Variants in MED13L observed in about 807,000 individuals in gnomAD.
MED13L encodes the protein mediator complex subunit 13L.
A neutral mutation model predicts 220.9 loss-of-function variants in MED13L; 7 were observed. That is an observed-to-expected ratio of 0.03 (90% CI 0.02 to 0.06). The LOEUF (loss-of-function observed/expected upper bound fraction) is 0.06, where lower values mean the gene tolerates loss of function less well. Ranked by LOEUF, MED13L falls within the 10% of genes least tolerant of loss-of-function variation. MED13L has a pLI of 1.00. For missense variants in MED13L, 1,965 were observed against 2,760.5 expected, an observed-to-expected ratio of 0.71 and a Z score of 6.46; for synonymous variants, 1,011 against 1,015.2, an observed-to-expected ratio of 1.00 and a Z score of 0.08.
At chr12:116,175,307 T>G (rs1239039755) in intron 2 of MED13L, among the ~76,000 whole-genome samples, 1 of 152,114 alleles carries the variant, frequency 6.6e-6, no homozygotes, top group African/African-American at 2.4e-5. Flanking sequence ...CTGAGTCCCC[T>G]ATTATGTGAG....
At chr12:116,069,052 G>A (rs1033552045) in intron 4 of MED13L, among the ~76,000 whole-genome samples, 5 of 152,258 alleles carry the variant, frequency 3.3e-5, no homozygotes, top group Middle Eastern at 3.4e-3. Context: ...CCCAAGGAAC[G>A]CAGAGCCTCT....
chr12:116,073,184 A>T (rs780200705), intron 4 of MED13L, among the ~76,000 whole-genome samples: 2 of 151,478 alleles, frequency 1.3e-5, no homozygotes, highest in African/African-American at 2.4e-5. Flanking sequence ...ATGGGTATGT[A>T]TTTTTTTTTA....
intron 1 of MED13L, among the ~76,000 whole-genome samples, chr12:116,272,456 G>C (rs1314185093): frequency 6.6e-6 from 1 of 152,104 alleles, no homozygotes; most frequent in East Asian, 1.9e-4. Context: ...CCAGCTCCTG[G>C]GAGGCTGAGG....
chr12:116,146,691 C>A (rs1288115742), intron 2 of MED13L, among the ~76,000 whole-genome samples: 2 of 151,666 alleles, frequency 1.3e-5, no homozygotes, highest in South Asian at 4.2e-4. Context: ...CGTGAGGAAA[C>A]CCCCATCTCT....
intron 2 of MED13L, among the ~76,000 whole-genome samples, chr12:116,212,848 A>G (rs969213687): frequency 2.0e-5 from 3 of 152,200 alleles, no homozygotes; most frequent in Non-Finnish European, 4.4e-5. Flanking sequence ...ACACAGAGAG[A>G]ATTACAACAT....
At chr12:116,162,338 G>C (rs905345839) in intron 2 of MED13L, among the ~76,000 whole-genome samples, 1 of 152,152 alleles carries the variant, frequency 6.6e-6, no homozygotes, top group Non-Finnish European at 1.5e-5. Flanking sequence ...TATTAGAATG[G>C]AGGCTGCACC....
chr12:116,084,202 A>G (rs1871441805), intron 4 of MED13L, among the ~76,000 whole-genome samples: 1 of 152,184 alleles, frequency 6.6e-6, no homozygotes, highest in Admixed American at 6.5e-5. Flanking sequence ...TTTCTAAGGG[A>G]TGGGGAAAAG....
intron 2 of MED13L, among the ~76,000 whole-genome samples, chr12:116,176,267 A>G (rs905568752): frequency 2.0e-5 from 3 of 152,186 alleles, no homozygotes; most frequent in Non-Finnish European, 2.9e-5. Flanking sequence ...CATCCTTTAT[A>G]CTGTTGTTGA....
At chr12:116,117,065 C>A (rs549009031) in intron 2 of MED13L, among the ~76,000 whole-genome samples, 3 of 151,822 alleles carry the variant, frequency 2.0e-5, no homozygotes, top group African/African-American at 7.2e-5. Context: ...AAATGTCTCT[C>A]AACAGTGGGA....
At chr12:116,146,881 A>T (rs971596964) in intron 2 of MED13L, among the ~76,000 whole-genome samples, 29 of 148,874 alleles carry the variant, frequency 1.9e-4, no homozygotes, top group African/African-American at 5.2e-4. Flanking sequence ...AATAATAATT[A>T]AAAAAAAAAG....
chr12:115,983,754 G>C (rs995216167), intron 20 of MED13L, among the ~76,000 whole-genome samples: 1 of 152,148 alleles, frequency 6.6e-6, no homozygotes, highest in African/African-American at 2.4e-5. Flanking sequence ...GTAGAGGCTT[G>C]TTTGAAAAGA....
intron 1 of MED13L, among the ~76,000 whole-genome samples, chr12:116,273,487 G>A (rs1383796053): frequency 1.3e-5 from 2 of 148,920 alleles, no homozygotes; most frequent in Admixed American, 1.3e-4. Context: ...TTTTGTTCTA[G>A]CGCAAAAAAA....
At chr12:116,154,175 T>C (rs1478116611) in intron 2 of MED13L, among the ~76,000 whole-genome samples, 2 of 152,174 alleles carry the variant, frequency 1.3e-5, no homozygotes, top group African/African-American at 2.4e-5. Context: ...TTCCCCACTT[T>C]GCAAATGAAG....
chr12:116,243,510 T>G (rs1870832299), intron 1 of MED13L, among the ~76,000 whole-genome samples: 1 of 152,142 alleles, frequency 6.6e-6, no homozygotes, highest in Admixed American at 6.5e-5. Flanking sequence ...ACTTCCTAAC[T>G]GACATGAATG....
intron 4 of MED13L, among the ~76,000 whole-genome samples, chr12:116,038,744 CAAAAAAAAAAAAAAAA>C (rs63703461): frequency 1.3e-5 from 1 of 75,262 alleles, no homozygotes; most frequent in South Asian, 5.4e-4. Context: ...GTCAAAAGGC[CAAAAAAAAAAAAAAAA>C]AAAAAAAAAA....
intron 3 of MED13L, among the ~76,000 whole-genome samples, chr12:116,102,697 CTTTTTCT>C (rs1555211161): frequency 0.037 from 2,651 of 72,216 alleles, 38 homozygotes; most frequent in South Asian, 0.068. Context: ...TTTTCTTTTT[CTTTTTCT>C]TTTTTCTTTT....
Position 116,237,557 on chromosome 12 carries a change from C to T in MED13L, c.221G>A (p.Arg74His). The change falls in exon 2 of 31, where the codon CGT becomes CAT. Residue 74 changes from arginine (R) to histidine (H), a missense_variant. Around this residue, in one of 10 missense-constraint regions of MED13L, gnomAD observed 818 missense variants for 1,041.2 expected, o/e 0.79. Coordinates refer to ENST00000281928, the MANE Select transcript of MED13L (RefSeq NM_015335.5). The stretch of plus-strand genomic sequence containing the variant: ...CTCTTTGCAATCTGGTTTGACATCA[C>T]GACGCCATACACAAAGCAGGTTAGC... The part of the protein sequence containing the change: ...LQANLLCVWR[R>H]DVKPDCKELW... 7 of 1,614,202 alleles carry T rather than the reference C, an allele frequency of 4.3e-6. No individual in the cohort carries two copies. Among genetic ancestry groups the T allele is most frequent in the Admixed American group, 1.7e-5 (1 of 60,030 alleles).
At chr12:116,039,329 A>G (rs1881385262) in intron 4 of MED13L, among the ~76,000 whole-genome samples, 1 of 152,182 alleles carries the variant, frequency 6.6e-6, no homozygotes, top group South Asian at 2.1e-4. Flanking sequence ...TGTCTTACTC[A>G]CTAGTACTCA....
In MED13L at chr12:115,991,888, C is replaced by T; in HGVS notation, c.3066G>A (p.Val1022=). ...YLNTPQMNTP[V]TLNSAAPASN... is the part of the protein sequence containing the mutation. ...TGGCTGGGGCAGCGCTGTTCAACGTCACGGGTGTGTTCATCTGTGGTGTGT... is the reference window on the plus strand; with the variant it reads ...TGGCTGGGGCAGCGCTGTTCAACGTTACGGGTGTGTTCATCTGTGGTGTGT... Residue 1022 remains valine (V), a synonymous_variant, in exon 17 of 31, where the codon GTG becomes GTA. Transcript: ENST00000281928. The surrounding 1 kb of genome is among the most constrained non-coding windows in gnomAD (Gnocchi z 7.7). The T allele has an allele frequency of 1.9e-6, 3 of 1,602,486 alleles. No homozygotes were observed. Among genetic ancestry groups the T allele is most frequent in the Non-Finnish European group, 2.5e-6 (3 of 1,179,920 alleles).
Sources: gnomAD v4.1 joint callset for allele counts (sites outside exome capture counted in the v4.1 genomes callset) on GRCh38, gnomAD v4.1.1 for gene constraint, gnomAD v4.1.1 regional missense constraint, Gnocchi (gnomAD v3.1) non-coding constraint, MANE v1.5 for transcripts, NCBI Gene and HGNC (gene_info 2026-07-23, HGNC 2026-07-21) for gene names.